SRD5A2: variants seen among roughly 807,000 people sequenced by gnomAD.
The protein encoded by SRD5A2 is steroid 5 alpha-reductase 2, also known as 3-oxo-5-alpha-steroid 4-dehydrogenase 2.
A neutral mutation model predicts 27.4 loss-of-function variants in SRD5A2; 30 were observed. The ratio of observed to expected loss-of-function variants is 1.10; its 90% CI spans 0.82 to 1.49. The LOEUF (loss-of-function observed/expected upper bound fraction) is 1.49, where lower values mean the gene tolerates loss of function less well. SRD5A2 is among the 40% of genes most tolerant of loss of function. The probability of loss-of-function intolerance (pLI) is 0.00; values close to 1 mark genes in which losing one functional copy is unlikely to be tolerated. For synonymous variants in SRD5A2, 141 were observed against 133.6 expected, an observed-to-expected ratio of 1.06 and a Z score of -0.38; for missense variants, 348 against 323.4, an observed-to-expected ratio of 1.08 and a Z score of -0.58.
chr2:31,567,051 C>G (rs1293937259), intron 1 of SRD5A2, among the ~76,000 whole-genome samples: 1 of 152,084 alleles, frequency 6.6e-6, no homozygotes, highest in Non-Finnish European at 1.5e-5. Context: ...ATAGTCCATG[C>G]AACTAATATT....
At chr2:31,662,242 AG>A in the SRD5A2 span, among the ~76,000 whole-genome samples, 1 of 152,192 alleles carries the variant, frequency 6.6e-6, no homozygotes, top group African/African-American at 2.4e-5. Flanking sequence ...GACATGTTGT[AG>A]AGACACTAAA....
At chr2:31,661,589 T>A in the SRD5A2 span, among the ~76,000 whole-genome samples, 7 of 152,250 alleles carry the variant, frequency 4.6e-5, no homozygotes, top group East Asian at 1.2e-3. Context: ...AATGAAGAAT[T>A]GTGTCAAATA....
At chr2:31,526,371 C>G (rs934278509) in intron 4 of SRD5A2, 109 bp from the exon 5 acceptor site, 1 of 722,260 alleles carries the variant, frequency 1.4e-6, no homozygotes, top group African/African-American at 1.8e-5. Context: ...TATTTTGGGC[C>G]TGACTATTTC....
At chr2:31,609,056 C>T in the SRD5A2 span, among the ~76,000 whole-genome samples, 2 of 151,958 alleles carry the variant, frequency 1.3e-5, no homozygotes, top group Non-Finnish European at 2.9e-5. Flanking sequence ...ATAAGAAGAT[C>T]GCCATCTGCA....
At chr2:31,534,372 C>T (rs1255013627) in intron 1 of SRD5A2, among the ~76,000 whole-genome samples, 1 of 152,072 alleles carries the variant, frequency 6.6e-6, no homozygotes, top group Non-Finnish European at 1.5e-5. Context: ...AATATTTACT[C>T]ATTGTGGGGT....
At chr2:31,657,107 A>G in the SRD5A2 span, among the ~76,000 whole-genome samples, 1 of 152,236 alleles carries the variant, frequency 6.6e-6, no homozygotes, top group African/African-American at 2.4e-5. Context: ...GGATCCTGAA[A>G]CACAACACAG....
chr2:31,546,984 G>A (rs1666275676), intron 1 of SRD5A2, among the ~76,000 whole-genome samples: 1 of 152,042 alleles, frequency 6.6e-6, no homozygotes, highest in Non-Finnish European at 1.5e-5. Flanking sequence ...TGTAATCCCA[G>A]TTACTAGGCA....
the SRD5A2 span, among the ~76,000 whole-genome samples, chr2:31,633,044 AAGGAAAGAAT>A: frequency 1.3e-5 from 2 of 152,066 alleles, no homozygotes; most frequent in African/African-American, 2.4e-5. Flanking sequence ...GGAGAAAGGA[AAGGAAAGAAT>A]AGAAGGGAAC....
intron 1 of SRD5A2, among the ~76,000 whole-genome samples, chr2:31,535,385 A>C (rs1331520225): frequency 6.6e-6 from 1 of 152,186 alleles, no homozygotes; most frequent in Non-Finnish European, 1.5e-5. Context: ...CCCCTTGGCA[A>C]CAGCAGTTCC....
chr2:31,575,395 C>A (rs148303192), intron 1 of SRD5A2, among the ~76,000 whole-genome samples: 84 of 152,328 alleles, frequency 5.5e-4, no homozygotes, highest in African/African-American at 2.0e-3. Context: ...ATGAGAACTA[C>A]GTTTCCTTAG....
At chr2:31,555,734 T>C (rs1666481706) in intron 1 of SRD5A2, among the ~76,000 whole-genome samples, 1 of 152,212 alleles carries the variant, frequency 6.6e-6, no homozygotes, top group Admixed American at 6.5e-5. Flanking sequence ...TTTCTATCAC[T>C]TGGGACAGAA....
chr2:31,552,781 T>C (rs1403122378), intron 1 of SRD5A2, among the ~76,000 whole-genome samples: 1 of 152,142 alleles, frequency 6.6e-6, no homozygotes, highest in Non-Finnish European at 1.5e-5. Context: ...TGAAGGTCTT[T>C]AACTGTCAAC....
chr2:31,643,384 AC>A, the SRD5A2 span, among the ~76,000 whole-genome samples: 1 of 152,190 alleles, frequency 6.6e-6, no homozygotes, highest in Non-Finnish European at 1.5e-5. Flanking sequence ...ATGCGATGTT[AC>A]ATTAGAACAG....
intron 1 of SRD5A2, among the ~76,000 whole-genome samples, chr2:31,568,909 A>C (rs1489893056): frequency 6.6e-6 from 1 of 152,230 alleles, no homozygotes; most frequent in Non-Finnish European, 1.5e-5. Flanking sequence ...GAGCAACAGC[A>C]CCTTGGCTCA....
chr2:31,636,902 A>T, the SRD5A2 span, among the ~76,000 whole-genome samples: 1 of 152,060 alleles, frequency 6.6e-6, no homozygotes, highest in Non-Finnish European at 1.5e-5. Flanking sequence ...TTTTGCATCT[A>T]TGTTCATCAG....
At chr2:31,628,968 T>C in the SRD5A2 span, among the ~76,000 whole-genome samples, 1 of 152,204 alleles carries the variant, frequency 6.6e-6, no homozygotes, top group South Asian at 2.1e-4. Context: ...CTGCATTTCC[T>C]TAATTTTAGT....
the SRD5A2 span, among the ~76,000 whole-genome samples, chr2:31,598,102 G>C: frequency 6.6e-6 from 1 of 151,982 alleles, no homozygotes; most frequent in African/African-American, 2.4e-5. Context: ...TATATACCAT[G>C]GAATACTACT....
chr2:31,597,761 T>G, the SRD5A2 span, among the ~76,000 whole-genome samples: 2 of 152,106 alleles, frequency 1.3e-5, no homozygotes, highest in African/African-American at 2.4e-5. Flanking sequence ...AATACCACCT[T>G]ACTCCAGCAA....
upstream of SRD5A2, among the ~76,000 whole-genome samples, chr2:31,582,525 G>C (rs891130436): frequency 1.5e-4 from 23 of 152,146 alleles, no homozygotes; most frequent in Non-Finnish European, 3.2e-4. Context: ...CCAGGTCTTA[G>C]CCATCATAGC....
Sources: allele counts gnomAD v4.1 joint callset (sites outside exome capture counted in the v4.1 genomes callset), GRCh38; gene constraint gnomAD v4.1.1; transcripts MANE v1.5; gene names NCBI Gene and HGNC (gene_info 2026-07-23, HGNC 2026-07-21).